Variants in BLK observed in about 807,000 individuals in gnomAD.
BLK encodes the protein tyrosine-protein kinase Blk.
Under a neutral mutation model 61.8 loss-of-function variants are expected in BLK, and 64 were observed. The ratio of observed to expected loss-of-function variants is 1.03; its 90% CI spans 0.85 to 1.27. The LOEUF is 1.27. Among genes scored for constraint, BLK ranks in the 50% most tolerant of loss-of-function variants. BLK has a pLI of 0.00. For synonymous variants in BLK, 351 were observed against 272.0 expected, an observed-to-expected ratio of 1.29 and a Z score of -2.86; for missense variants, 853 against 660.5, an observed-to-expected ratio of 1.29 and a Z score of -3.19.
rs79881609 is a variant in BLK at position 11,496,764 on chromosome 8, C to A, written c.-2+2173C>A. On this transcript the variant is annotated intron_variant, in intron 1 of 12. Transcript: ENST00000259089. ...GGAGTACAGAATTCCAGCCAGGAAT[C>A]TGCCGTCCTCTGGGCTCAACCACCC... is the stretch of plus-strand genomic sequence containing the variant. Among the ~76,000 whole-genome samples the A allele has an allele frequency of 7.8e-3, 1,193 of 152,342 alleles. 18 individuals carry two copies. The highest frequency in any genetic ancestry group is 0.027 in the African/African-American group (1,135 of 41,580).
intron 6 of BLK, chr8:11,553,477 G>A (rs756741415): frequency 2.3e-4 from 91 of 397,810 alleles, no homozygotes; most frequent in South Asian, 9.5e-4. Context: ...GGGCCTCAGA[G>A]CAGCCAGGCA....
At chr8:11,530,289 G>A (rs971878424) in intron 1 of BLK, among the ~76,000 whole-genome samples, 2 of 152,142 alleles carry the variant, frequency 1.3e-5, no homozygotes, top group Non-Finnish European at 2.9e-5. Flanking sequence ...TCTTCTTGAG[G>A]TCCCAACAAA....
At chr8:11,550,010 G>T (rs987551366) in intron 5 of BLK, 149 bp from the exon 6 acceptor site, 1 of 724,344 alleles carries the variant, frequency 1.4e-6, no homozygotes, top group Non-Finnish European at 2.4e-6. Flanking sequence ...ACTCCATCAC[G>T]GTGTGAGGAG....
At chr8:11,557,298 A>C (rs537412808) in intron 9 of BLK, among the ~76,000 whole-genome samples, 1 of 152,330 alleles carries the variant, frequency 6.6e-6, no homozygotes, top group African/African-American at 2.4e-5. Context: ...GGCGTGGCCA[A>C]GTTCTCATGC....
chr8:11,534,599 A>T (rs1423358211), intron 1 of BLK, among the ~76,000 whole-genome samples: 1 of 152,214 alleles, frequency 6.6e-6, no homozygotes, highest in Non-Finnish European at 1.5e-5. Flanking sequence ...CAAACTTTTT[A>T]CCACCTGAAA....
At chr8:11,508,777 C>T (rs897954973) in intron 1 of BLK, among the ~76,000 whole-genome samples, 3 of 152,326 alleles carry the variant, frequency 2.0e-5, no homozygotes, top group South Asian at 2.1e-4. Flanking sequence ...CTGACCCAAA[C>T]GCAACTGTGA....
In BLK at chr8:11,524,544, G is replaced by A. The variant is rs950962803; in HGVS notation, c.-1-18680G>A. Among the ~76,000 whole-genome samples, 56 of 152,298 alleles carry A rather than the reference G, an allele frequency of 3.7e-4. 1 individual carries two copies. Among genetic ancestry groups the A allele is most frequent in the Non-Finnish European group, 7.2e-4 (49 of 68,030 alleles). ...TTCCATACTGCTGTACGAAATGTCTGAAGGACAATTTGCCAAAATATATCG... is the reference window on the plus strand; with the variant it reads ...TTCCATACTGCTGTACGAAATGTCTAAAGGACAATTTGCCAAAATATATCG... On this transcript the variant is annotated intron_variant, in intron 1 of 12. Transcript: ENST00000259089.
intron 6 of BLK, among the ~76,000 whole-genome samples, chr8:11,552,110 C>T (rs893377080): frequency 6.6e-6 from 1 of 152,218 alleles, no homozygotes. Context: ...GTGGTTGGGG[C>T]GATGAGAATG....
intron 1 of BLK, among the ~76,000 whole-genome samples, chr8:11,504,269 G>C (rs1241301097): frequency 1.3e-5 from 2 of 151,802 alleles, no homozygotes; most frequent in Non-Finnish European, 1.5e-5. Context: ...GTTGCAGTGA[G>C]CTGAGATCGC....
At chr8:11,528,308 T>G (rs1344607935) in intron 1 of BLK, among the ~76,000 whole-genome samples, 1 of 152,174 alleles carries the variant, frequency 6.6e-6, no homozygotes, top group Non-Finnish European at 1.5e-5. Context: ...AGTGCTGGAA[T>G]TACAGGCATG....
intron 1 of BLK, chr8:11,510,017 C>T (rs1025661208): frequency 3.3e-5 from 5 of 152,166 alleles, no homozygotes; most frequent in Admixed American, 6.5e-5. Flanking sequence ...TAATATTTCA[C>T]TGTGTGAACT....
chr8:11,560,982 C>A, intron 10 of BLK: 1 of 543,420 alleles, frequency 1.8e-6, no homozygotes, highest in South Asian at 1.5e-5. Flanking sequence ...TCTTCTCCCT[C>A]CCTCTCCTTT....
At chr8:11,503,041 T>C (rs1401686666) in intron 1 of BLK, among the ~76,000 whole-genome samples, 1 of 152,216 alleles carries the variant, frequency 6.6e-6, no homozygotes, top group African/African-American at 2.4e-5. Context: ...TTCTCATCTC[T>C]ACTCTCTGCT....
chr8:11,520,312 A>G (rs1053747192), intron 1 of BLK, among the ~76,000 whole-genome samples: 3 of 151,810 alleles, frequency 2.0e-5, no homozygotes, highest in Admixed American at 6.6e-5. Context: ...ACCTCCCTCT[A>G]TAAAATTTAC....
intron 1 of BLK, among the ~76,000 whole-genome samples, chr8:11,538,024 C>T (rs962919621): frequency 5.3e-5 from 8 of 152,254 alleles, no homozygotes; most frequent in African/African-American, 1.9e-4. Flanking sequence ...CACATGCACA[C>T]GGTGCACATG....
chr8:11,535,300 G>GAAAA (rs746752639), intron 1 of BLK, among the ~76,000 whole-genome samples: 1 of 144,322 alleles, frequency 6.9e-6, no homozygotes, highest in African/African-American at 2.5e-5. Context: ...AAGAAAGAAA[G>GAAAA]AAAGAAAGAA....
rs530945955 is a variant in BLK at position 11,535,012 on chromosome 8, T to C, written c.-1-8212T>C. Among the ~76,000 whole-genome samples, 29 of 151,954 alleles carry C rather than the reference T, an allele frequency of 1.9e-4. 1 individual carries two copies. In the South Asian group the frequency reaches 5.6e-3, roughly 29 times the overall value. On this transcript the variant is annotated intron_variant, in intron 1 of 12. Coordinates refer to ENST00000259089, the MANE Select transcript of BLK (RefSeq NM_001715.3). Reference sequence around the variant, plus strand: ...AACATGATGAAATCCCACCTCTACATAAAATTGTTTAAAAAATTAGCCAGG... The same window carrying C: ...AACATGATGAAATCCCACCTCTACACAAAATTGTTTAAAAAATTAGCCAGG...
chr8:11,550,283 T>G, intron 6 of BLK, 21 bp downstream of exon 6: 1 of 1,609,782 alleles, frequency 6.2e-7, no homozygotes, highest in Non-Finnish European at 8.5e-7. Flanking sequence ...TGGCTTTGCC[T>G]GCCTTCCTTG....
Position 11,521,651 on chromosome 8 carries a change from A to G in BLK, c.-1-21573A>G, listed in dbSNP as rs556057165. 4.6e-5 allele frequency among the ~76,000 whole-genome samples: 7 copies of G among 152,336 alleles called. No homozygotes were observed. In the East Asian group the frequency reaches 9.6e-4, roughly 21 times the overall value. On this transcript the variant is annotated intron_variant, in intron 1 of 12. Coordinates refer to ENST00000259089, the MANE Select transcript of BLK (RefSeq NM_001715.3). ...TCAAGAATGGTTGAGCAGTAAGGCCACAGTTTTATGTGAAGAAAAAAGTTT... is the reference window on the plus strand; with the variant it reads ...TCAAGAATGGTTGAGCAGTAAGGCCGCAGTTTTATGTGAAGAAAAAAGTTT...
Sources: gnomAD v4.1 joint callset for allele counts (sites outside exome capture counted in the v4.1 genomes callset) on GRCh38, gnomAD v4.1.1 for gene constraint, MANE v1.5 for transcripts, NCBI Gene and HGNC (gene_info 2026-07-23, HGNC 2026-07-21) for gene names.